Variants in GRIN2B observed in about 807,000 individuals in gnomAD.
The protein encoded by GRIN2B is glutamate ionotropic receptor NMDA type subunit 2B.
In GRIN2B, 5 loss-of-function variants were observed where a neutral mutation model predicts 114.5. That is an observed-to-expected ratio of 0.04 (90% CI 0.02 to 0.09). The LOEUF is 0.09. GRIN2B is among the 10% of genes least tolerant of loss of function. The probability of loss-of-function intolerance (pLI) is 1.00; values close to 1 mark genes in which losing one functional copy is unlikely to be tolerated. For synonymous variants in GRIN2B, 787 were observed against 745.1 expected, an observed-to-expected ratio of 1.06 and a Z score of -0.92; for missense variants, 1,108 against 1,943.5, an observed-to-expected ratio of 0.57 and a Z score of 8.08.
intron 2 of GRIN2B, among the ~76,000 whole-genome samples, chr12:13,893,317 A>G (rs1866295053): frequency 6.6e-6 from 1 of 152,186 alleles, no homozygotes; most frequent in South Asian, 2.1e-4. Flanking sequence ...CTGGTGAAAA[A>G]TGATGCAGAA....
intron 10 of GRIN2B, among the ~76,000 whole-genome samples, chr12:13,581,505 A>G (rs1215603077): frequency 6.6e-6 from 1 of 152,146 alleles, no homozygotes; most frequent in Non-Finnish European, 1.5e-5. Flanking sequence ...GAAGAAGGTC[A>G]GGTGACCACA....
chr12:13,722,046 A>G (rs906100955), intron 4 of GRIN2B, among the ~76,000 whole-genome samples: 5 of 152,134 alleles, frequency 3.3e-5, no homozygotes, highest in Non-Finnish European at 5.9e-5. Flanking sequence ...TGGATTTGGT[A>G]ACATAGTGAC....
At chr12:13,848,263 A>G (rs540071515) in intron 3 of GRIN2B, among the ~76,000 whole-genome samples, 110 of 152,318 alleles carry the variant, frequency 7.2e-4, no homozygotes, top group African/African-American at 2.6e-3. Context: ...AAATGCCCCT[A>G]GGGAGGGAAA....
rs1863435605 is a variant in GRIN2B at position 13,749,025 on chromosome 12, A to C, written c.1010+4292T>G. ...GGCAACCCAGAATCTATCTGGAGAT[A>C]ATCACTAAGTCTATAACAGGCCAAG... On this transcript the variant is annotated intron_variant, in intron 4 of 13. Coordinates refer to ENST00000609686, the MANE Select transcript of GRIN2B (RefSeq NM_000834.5). 2.0e-5 allele frequency among the ~76,000 whole-genome samples: 3 copies of C among 152,248 alleles called. No individual in the cohort carries two copies. In the South Asian group the frequency reaches 6.2e-4, roughly 32 times the overall value.
chr12:13,794,846 A>C (rs220557), intron 3 of GRIN2B, among the ~76,000 whole-genome samples: 62,211 of 152,056 alleles, frequency 0.41, 13,247 homozygotes, highest in East Asian at 0.55. Context: ...GTCCAGATGG[A>C]CACCAAGCTA....
Position 13,554,497 on chromosome 12 carries a change from A to C in GRIN2B, c.*8286T>G, listed in dbSNP as rs908163456. 3 of 152,170 alleles carry C rather than the reference A, an allele frequency of 2.0e-5. No homozygotes were observed. Among genetic ancestry groups the C allele is most frequent in the African/African-American group, 7.2e-5 (3 of 41,438 alleles). The allele number at this position is 152,170 out of a possible 1,614,324, so 9.4% of individuals were successfully genotyped here. A position where few individuals can be genotyped will look rare whatever the true frequency, so the allele number is the denominator to read the frequency against. The stretch of plus-strand genomic sequence containing the variant: ...CAAGTGGGAAAACAAGCTGGTAGGG[A>C]AAGGTGAAACAAATGTTATTCAGCT... On this transcript the variant is annotated 3_prime_UTR_variant, in exon 14 of 14. Coordinates refer to ENST00000609686, the MANE Select transcript of GRIN2B (RefSeq NM_000834.5).
At chr12:13,718,049 T>C (rs769665627) in intron 4 of GRIN2B, among the ~76,000 whole-genome samples, 35 of 152,064 alleles carry the variant, frequency 2.3e-4, no homozygotes, top group Non-Finnish European at 3.5e-4. Flanking sequence ...ATTCATTCCC[T>C]GCATCTCCTT....
At chr12:13,593,294 A>G (rs1332520788) in intron 10 of GRIN2B, among the ~76,000 whole-genome samples, 4 of 152,246 alleles carry the variant, frequency 2.6e-5, no homozygotes, top group Non-Finnish European at 5.9e-5. Context: ...ACTTCAAACT[A>G]TACTACAAGC....
At chr12:13,574,495 T>A (rs1948748429) in intron 10 of GRIN2B, among the ~76,000 whole-genome samples, 1 of 152,218 alleles carries the variant, frequency 6.6e-6, no homozygotes, top group Admixed American at 6.5e-5. Flanking sequence ...AAAATTGCAA[T>A]CATGTCCAAT....
intron 2 of GRIN2B, among the ~76,000 whole-genome samples, chr12:13,905,422 C>A (rs577294504): frequency 6.6e-6 from 1 of 152,140 alleles, no homozygotes; most frequent in African/African-American, 2.4e-5. Flanking sequence ...ATACTTTTTG[C>A]GCTTTCCTGG....
intron 4 of GRIN2B, among the ~76,000 whole-genome samples, chr12:13,699,707 G>T (rs1950292996): frequency 6.6e-6 from 1 of 151,696 alleles, no homozygotes; most frequent in Admixed American, 6.6e-5. Flanking sequence ...TTCTGCTTCA[G>T]CCTCCCAAGT....
At chr12:13,577,656 C>T (rs1472613275) in intron 10 of GRIN2B, among the ~76,000 whole-genome samples, 1 of 152,210 alleles carries the variant, frequency 6.6e-6, no homozygotes, top group East Asian at 1.9e-4. Flanking sequence ...TTAATAATTG[C>T]CACTCTTATT....
At chr12:13,947,429 A>G (rs1201714330) in intron 2 of GRIN2B, among the ~76,000 whole-genome samples, 3 of 152,120 alleles carry the variant, frequency 2.0e-5, no homozygotes, top group South Asian at 2.1e-4. Flanking sequence ...AGCAAAACCC[A>G]TGAACCAGCC....
intron 10 of GRIN2B, among the ~76,000 whole-genome samples, chr12:13,592,939 C>A (rs1474300481): frequency 6.6e-6 from 1 of 152,122 alleles, no homozygotes; most frequent in African/African-American, 2.4e-5. Flanking sequence ...TACATAAAAG[C>A]ATGCTAAAAA....
intron 4 of GRIN2B, among the ~76,000 whole-genome samples, chr12:13,700,321 T>C (rs1164658189): frequency 6.6e-6 from 1 of 152,264 alleles, no homozygotes; most frequent in East Asian, 1.9e-4. Flanking sequence ...AATGAGAACA[T>C]AACGAAAAAC....
chr12:13,699,246 C>T (rs1281047249), intron 4 of GRIN2B, among the ~76,000 whole-genome samples: 4 of 152,092 alleles, frequency 2.6e-5, no homozygotes, highest in East Asian at 3.9e-4. Context: ...TCTCTGAGGT[C>T]CCATCTCCCC....
intron 3 of GRIN2B, among the ~76,000 whole-genome samples, chr12:13,762,252 C>T (rs1246638982): frequency 6.6e-6 from 1 of 152,164 alleles, no homozygotes; most frequent in Non-Finnish European, 1.5e-5. Context: ...ATCCTCCCAC[C>T]TCGGCCTCCC....
chr12:13,975,120 G>A (rs920510023), intron 2 of GRIN2B, among the ~76,000 whole-genome samples: 2 of 152,112 alleles, frequency 1.3e-5, no homozygotes, highest in African/African-American at 4.8e-5. Context: ...AGAAGTGCTG[G>A]AATCCCAAAA....
At chr12:13,653,006 G>T (rs1949830209) in intron 5 of GRIN2B, among the ~76,000 whole-genome samples, 2 of 152,090 alleles carry the variant, frequency 1.3e-5, no homozygotes, top group African/African-American at 4.8e-5. Flanking sequence ...TTATGTTTTA[G>T]GAGGATCCAT....
Sources: allele counts gnomAD v4.1 joint callset (sites outside exome capture counted in the v4.1 genomes callset), GRCh38; gene constraint gnomAD v4.1.1; transcripts MANE v1.5; gene names NCBI Gene and HGNC (gene_info 2026-07-23, HGNC 2026-07-21).